Variants in PID1 observed in about 807,000 individuals in gnomAD.
PID1 encodes the protein PTB-containing, cubilin and LRP1-interacting protein.
In PID1, 10 loss-of-function variants were observed where a neutral mutation model predicts 19.1. The ratio of observed to expected loss-of-function variants is 0.52; its 90% CI spans 0.32 to 0.89. The LOEUF (loss-of-function observed/expected upper bound fraction) is 0.89, where lower values mean the gene tolerates loss of function less well. PID1 is among the 40% of genes least tolerant of loss of function. The probability of loss-of-function intolerance (pLI) is 0.03; values close to 1 mark genes in which losing one functional copy is unlikely to be tolerated. For synonymous variants in PID1, 130 were observed against 116.0 expected (o/e 1.12, Z -0.78); for missense variants, 248 against 285.3 (o/e 0.87, Z 0.94).
intron 1 of PID1, among the ~76,000 whole-genome samples, chr2:229,238,187 A>G (rs1427388782): frequency 6.6e-6 from 1 of 152,200 alleles, no homozygotes; most frequent in Non-Finnish European, 1.5e-5. Context: ...CTCAATTGTC[A>G]TGAGTGGAAT....
intron 1 of PID1, among the ~76,000 whole-genome samples, chr2:229,194,974 T>A (rs938505628): frequency 1.3e-5 from 2 of 151,968 alleles, no homozygotes; most frequent in East Asian, 3.9e-4. Context: ...GTTTAATATA[T>A]CTTTGCGGAT....
At chr2:229,038,838 G>T (rs1279806829) in intron 2 of PID1, among the ~76,000 whole-genome samples, 1 of 152,160 alleles carries the variant, frequency 6.6e-6, no homozygotes, top group African/African-American at 2.4e-5. Flanking sequence ...TTGTCAACTT[G>T]TTAATGACCA....
At chr2:229,066,282 A>G (rs1694325257) in intron 2 of PID1, among the ~76,000 whole-genome samples, 1 of 152,142 alleles carries the variant, frequency 6.6e-6, no homozygotes, top group African/African-American at 2.4e-5. Context: ...CTCTTCAAAG[A>G]CCTCACAGTC....
At chr2:229,114,048 T>C (rs940637032) in intron 2 of PID1, among the ~76,000 whole-genome samples, 5 of 152,010 alleles carry the variant, frequency 3.3e-5, no homozygotes, top group African/African-American at 1.2e-4. Context: ...ACATTACCTC[T>C]TCCCTGGGTC....
At chr2:229,148,706 G>A (rs2106188460) in intron 2 of PID1, among the ~76,000 whole-genome samples, 1 of 150,346 alleles carries the variant, frequency 6.7e-6, no homozygotes, top group South Asian at 2.2e-4. Flanking sequence ...AGCGAAGGAG[G>A]AAAAAAGGGG....
intron 2 of PID1, among the ~76,000 whole-genome samples, chr2:229,067,409 A>G (rs995673989): frequency 9.9e-5 from 15 of 152,218 alleles, no homozygotes; most frequent in Admixed American, 9.2e-4. Flanking sequence ...TGTGTCAGGT[A>G]CAGACAAGTA....
intron 1 of PID1, among the ~76,000 whole-genome samples, chr2:229,219,622 C>T (rs1200402937): frequency 2.0e-5 from 3 of 152,138 alleles, no homozygotes; most frequent in South Asian, 2.1e-4. Context: ...CAGCTTCAAA[C>T]TCCTAGGCTC....
intron 1 of PID1, among the ~76,000 whole-genome samples, chr2:229,209,488 G>A (rs1368632631): frequency 1.3e-5 from 2 of 152,188 alleles, no homozygotes; most frequent in African/African-American, 4.8e-5. Flanking sequence ...CCAACTAGGT[G>A]CAGTCAATGA....
chr2:229,198,927 C>T (rs934054521), intron 1 of PID1, among the ~76,000 whole-genome samples: 3 of 151,974 alleles, frequency 2.0e-5, no homozygotes, highest in African/African-American at 4.8e-5. Flanking sequence ...TATATAATGT[C>T]GACTCTGTTT....
chr2:229,223,143 T>C (rs1301076587), intron 1 of PID1, among the ~76,000 whole-genome samples: 2 of 152,196 alleles, frequency 1.3e-5, no homozygotes, highest in African/African-American at 4.8e-5. Context: ...CTTAAAATTG[T>C]GGCCAAATTG....
chr2:229,147,546 CTAA>C (rs1265854452), intron 2 of PID1, among the ~76,000 whole-genome samples: 1 of 151,752 alleles, frequency 6.6e-6, no homozygotes, highest in Admixed American at 6.6e-5. Context: ...AAAATGGATA[CTAA>C]TAACATGTTA....
intron 2 of PID1, among the ~76,000 whole-genome samples, chr2:229,077,624 C>A (rs1694586019): frequency 6.6e-6 from 1 of 152,214 alleles, no homozygotes; most frequent in Admixed American, 6.5e-5. Context: ...TTCCCCAACA[C>A]CATGTATTAA....
At chr2:229,126,092 T>A (rs1018178028) in intron 2 of PID1, among the ~76,000 whole-genome samples, 2 of 152,090 alleles carry the variant, frequency 1.3e-5, no homozygotes, top group African/African-American at 2.4e-5. Flanking sequence ...TGTGACTACA[T>A]CACGAGTTTG....
chr2:229,183,187 T>C (rs1017151268), intron 1 of PID1, among the ~76,000 whole-genome samples: 1 of 152,176 alleles, frequency 6.6e-6, no homozygotes, highest in Non-Finnish European at 1.5e-5. Context: ...CATGTGAAGA[T>C]GGACGCAGAG....
At chr2:229,116,850 T>C (rs994345979) in intron 2 of PID1, among the ~76,000 whole-genome samples, 3 of 152,124 alleles carry the variant, frequency 2.0e-5, no homozygotes, top group African/African-American at 7.2e-5. Context: ...CAGTTGCTTT[T>C]TTTCAGTTTC....
intron 1 of PID1, among the ~76,000 whole-genome samples, chr2:229,251,405 C>G (rs1328009363): frequency 6.6e-6 from 1 of 152,032 alleles, no homozygotes; most frequent in Non-Finnish European, 1.5e-5. Context: ...ACTAAAAGCA[C>G]TGTATCTGAG....
intron 2 of PID1, among the ~76,000 whole-genome samples, chr2:229,140,057 T>C (rs573784417): frequency 6.6e-6 from 1 of 152,296 alleles, no homozygotes; most frequent in South Asian, 2.1e-4. Flanking sequence ...GCAGCCTCCA[T>C]GTCCTTAGCG....
chr2:229,039,692 C>G (rs909690210), intron 2 of PID1, among the ~76,000 whole-genome samples: 4 of 152,028 alleles, frequency 2.6e-5, no homozygotes, highest in Non-Finnish European at 1.5e-5. Context: ...CAAATTAAAA[C>G]AACACTGAGA....
chr2:229,165,720 C>A (rs1690583495), intron 1 of PID1, among the ~76,000 whole-genome samples: 1 of 152,106 alleles, frequency 6.6e-6, no homozygotes, highest in African/African-American at 2.4e-5. Context: ...GACCTTAAAA[C>A]TATATTCAAT....
Sources: allele counts gnomAD v4.1 joint callset (sites outside exome capture counted in the v4.1 genomes callset), GRCh38; gene constraint gnomAD v4.1.1; transcripts MANE v1.5; gene names NCBI Gene and HGNC (gene_info 2026-07-23, HGNC 2026-07-21).